KIF26B: variants seen among roughly 807,000 people sequenced by gnomAD.
KIF26B encodes kinesin family member 26B.
Under a neutral mutation model 151.2 loss-of-function variants are expected in KIF26B, and 63 were observed. The observed-to-expected ratio is 0.42, with a 90% CI of 0.34 to 0.51. KIF26B has a LOEUF of 0.51. Among genes scored for constraint, KIF26B ranks in the 20% least tolerant of loss-of-function variants. The pLI, the probability that KIF26B is intolerant of heterozygous loss-of-function variation, is 0.07. For synonymous variants in KIF26B, 1,357 were observed against 1,262.1 expected (o/e 1.08, Z -1.59); for missense variants, 2,813 against 2,913.6 (o/e 0.97, Z 0.79).
At chr1:245,313,968 A>G (rs1208357364) in intron 2 of KIF26B, among the ~76,000 whole-genome samples, 2 of 152,018 alleles carry the variant, frequency 1.3e-5, no homozygotes, top group African/African-American at 4.8e-5. Flanking sequence ...CTCTCAAAAG[A>G]GCGTTTCTCT....
chr1:245,169,209 C>T (rs1668663917), intron 2 of KIF26B, among the ~76,000 whole-genome samples: 1 of 152,114 alleles, frequency 6.6e-6, no homozygotes, highest in Non-Finnish European at 1.5e-5. Flanking sequence ...CAGACACATC[C>T]AACCCACAGC....
chr1:245,645,284 C>T (rs2043935465), intron 9 of KIF26B, among the ~76,000 whole-genome samples: 1 of 152,150 alleles, frequency 6.6e-6, no homozygotes, highest in Non-Finnish European at 1.5e-5. Context: ...CACATTTCAA[C>T]ATGAGATTTG....
At chr1:245,434,517 C>T (rs2103043346) in intron 4 of KIF26B, among the ~76,000 whole-genome samples, 1 of 152,284 alleles carries the variant, frequency 6.6e-6, no homozygotes, top group East Asian at 1.9e-4. Context: ...TGGTCCCCCT[C>T]TTCCCCCACT....
At chr1:245,644,076 T>C (rs1438457156) in intron 9 of KIF26B, among the ~76,000 whole-genome samples, 1 of 150,470 alleles carries the variant, frequency 6.6e-6, no homozygotes, top group Non-Finnish European at 1.5e-5. Flanking sequence ...TTCTCAAATA[T>C]TTTATTTGTA....
intron 2 of KIF26B, among the ~76,000 whole-genome samples, chr1:245,164,895 A>G (rs1172007626): frequency 1.3e-5 from 2 of 152,114 alleles, no homozygotes; most frequent in African/African-American, 4.8e-5. Flanking sequence ...CAACATGGTG[A>G]AACCCCGTCT....
intron 4 of KIF26B, among the ~76,000 whole-genome samples, chr1:245,517,826 C>G (rs1661004478): frequency 6.6e-6 from 1 of 150,482 alleles, no homozygotes. Context: ...TGGCATGATT[C>G]TCTGTGTATG....
At chr1:245,171,389 A>G (rs1038982047) in intron 2 of KIF26B, among the ~76,000 whole-genome samples, 3 of 152,210 alleles carry the variant, frequency 2.0e-5, no homozygotes, top group Admixed American at 6.5e-5. Flanking sequence ...TAAAAATACA[A>G]AAAAGTTAGC....
chr1:245,244,756 T>TCACACACACACACACACACACACACACA lies in KIF26B; in HGVS notation c.465+88082_465+88109dup, dbSNP rs55638619. ...AGAAGGAACACACAGACACGCACAC[T>TCACACACACACACACACACACACACACA]CACACACACACACACACACACACAC... On this transcript the variant is annotated intron_variant, in intron 2 of 14. Transcript: ENST00000407071. The surrounding 1 kb of genome is among the most constrained non-coding windows in gnomAD (Gnocchi z 4.2). 2.1e-5 allele frequency among the ~76,000 whole-genome samples: 3 copies of TCACACACACACACACACACACACACACA among 144,354 alleles called. No individual in the cohort carries two copies. Among genetic ancestry groups the TCACACACACACACACACACACACACACA allele is most frequent in the Non-Finnish European group, 4.5e-5 (3 of 66,336 alleles). 94.7% of individuals were successfully genotyped at this position (144,354 alleles called of 152,430 possible).
chr1:245,272,465 T>C (rs899900640), intron 2 of KIF26B, among the ~76,000 whole-genome samples: 1 of 151,046 alleles, frequency 6.6e-6, no homozygotes, highest in African/African-American at 2.4e-5. Flanking sequence ...AAAAATCAAG[T>C]CTTGGTTTGG....
At chr1:245,360,965 C>A (rs1216279546) in intron 2 of KIF26B, among the ~76,000 whole-genome samples, 1 of 152,132 alleles carries the variant, frequency 6.6e-6, no homozygotes, top group Non-Finnish European at 1.5e-5. Context: ...CCACTGCACT[C>A]CAGCCTGGGC....
intron 2 of KIF26B, among the ~76,000 whole-genome samples, chr1:245,177,663 GGGGT>G (rs1239272453): frequency 1.6e-5 from 2 of 121,904 alleles, no homozygotes; most frequent in Non-Finnish European, 3.4e-5. Context: ...CTTGTCCTTA[GGGGT>G]GTGTGTGTGT....
In KIF26B at chr1:245,186,682, C is replaced by T. The variant is rs6665908; in HGVS notation, c.465+29999C>T. Reference sequence around the variant, plus strand: ...TAACTTGGCCTTCTGTAAAGTGGGACTCTTAGTACTTGCCCTGCTTATCTT... The same window carrying T: ...TAACTTGGCCTTCTGTAAAGTGGGATTCTTAGTACTTGCCCTGCTTATCTT... On this transcript the variant is annotated intron_variant, in intron 2 of 14. Coordinates refer to ENST00000407071, the MANE Select transcript of KIF26B (RefSeq NM_018012.4). Among the ~76,000 whole-genome samples the T allele has an allele frequency of 4.0e-3, 612 of 152,124 alleles. 1 individual carries two copies. Among genetic ancestry groups the T allele is most frequent in the South Asian group, 8.7e-3 (42 of 4,814 alleles).
At chr1:245,164,164 T>A (rs1439943073) in intron 2 of KIF26B, among the ~76,000 whole-genome samples, 1 of 152,222 alleles carries the variant, frequency 6.6e-6, no homozygotes, top group Non-Finnish European at 1.5e-5. Context: ...GGAATGGGTA[T>A]TATATTTTGC....
At chr1:245,675,650 C>T (rs2044348808) in intron 10 of KIF26B, among the ~76,000 whole-genome samples, 1 of 152,104 alleles carries the variant, frequency 6.6e-6, no homozygotes, top group Non-Finnish European at 1.5e-5. Context: ...ATGGAAGGAA[C>T]ATGGAATGTT....
At chr1:245,398,792 A>T (rs1673924008) in intron 3 of KIF26B, among the ~76,000 whole-genome samples, 1 of 151,480 alleles carries the variant, frequency 6.6e-6, no homozygotes, top group Non-Finnish European at 1.5e-5. Flanking sequence ...TAAATTTTAT[A>T]TATATATAAT....
At chr1:245,634,112 C>G (rs575664824) in intron 9 of KIF26B, among the ~76,000 whole-genome samples, 3 of 152,306 alleles carry the variant, frequency 2.0e-5, no homozygotes, top group African/African-American at 2.4e-5. Flanking sequence ...CCACACCCAG[C>G]CTTATGTTTT....
chr1:245,323,444 G>A (rs1032867836), intron 2 of KIF26B, among the ~76,000 whole-genome samples: 14 of 152,146 alleles, frequency 9.2e-5, no homozygotes, highest in African/African-American at 2.9e-4. Context: ...GCTTTGTAAC[G>A]AAATTATGAA....
intron 2 of KIF26B, among the ~76,000 whole-genome samples, chr1:245,336,331 A>G (rs1672233108): frequency 6.6e-6 from 1 of 152,170 alleles, no homozygotes; most frequent in African/African-American, 2.4e-5. Context: ...GCCATCAGAA[A>G]AAGGACTGCT....
chr1:245,373,310 G>C (rs745311511), intron 3 of KIF26B, among the ~76,000 whole-genome samples: 3 of 152,206 alleles, frequency 2.0e-5, no homozygotes, highest in Non-Finnish European at 2.9e-5. Flanking sequence ...CAAGGATTTA[G>C]GTGGAAACCA....
Sources: allele counts gnomAD v4.1 joint callset (sites outside exome capture counted in the v4.1 genomes callset), GRCh38; gene constraint gnomAD v4.1.1; non-coding constraint Gnocchi (gnomAD v3.1); transcripts MANE v1.5; gene names NCBI Gene and HGNC (gene_info 2026-07-23, HGNC 2026-07-21).